The following DPYS variants were observed in gnomAD, a reference collection of about 807,000 sequenced individuals.
The protein encoded by DPYS is dihydropyrimidinase.
In DPYS, 39 loss-of-function variants were observed where a neutral mutation model predicts 50.3. The ratio of observed to expected loss-of-function variants is 0.78; its 90% CI spans 0.60 to 1.01. The LOEUF (loss-of-function observed/expected upper bound fraction) is 1.01. Ranked by LOEUF, DPYS falls within the 50% of genes least tolerant of loss-of-function variation. The pLI, the probability that DPYS is intolerant of heterozygous loss-of-function variation, is 0.00. For missense variants in DPYS, 659 were observed against 680.9 expected (o/e 0.97, Z 0.36); for synonymous variants, 245 against 250.7 (o/e 0.98, Z 0.22).
chr8:104,392,902 G>T lies in DPYS; in HGVS notation c.1325C>A (p.Ser442Ter). The T allele has an allele frequency of 6.2e-7, 1 of 1,614,188 alleles. No homozygotes were observed. Among genetic ancestry groups the T allele is most frequent in the Non-Finnish European group, 8.5e-7 (1 of 1,180,036 alleles). Residue 442 changes from serine (S) to a stop codon, truncating the protein, a stop_gained, in exon 8 of 10, where the codon TCA (serine) becomes TAA (stop). Coordinates refer to ENST00000351513, the MANE Select transcript of DPYS (RefSeq NM_001385.3). LOFTEE classifies it high-confidence loss of function. The stretch of plus-strand genomic sequence containing the variant: ...GGCTTCATATACCACTTTGCCTCTT[G>T]AAATAGTCACAAGGGGCACCCCGTG... ...VCHGVPLVTI[S>*]RGKVVYEAGV... is the part of the protein sequence containing the mutation.
chr8:104,433,345 G>A lies in DPYS; in HGVS notation c.794-3644C>T, dbSNP rs539621761. Among the ~76,000 whole-genome samples the A allele has an allele frequency of 8.5e-5, 13 of 152,198 alleles. No individual in the cohort carries two copies. In the East Asian group the frequency reaches 2.5e-3, roughly 29 times the overall value. ...TTTTTTTAATGGCTAGCTTTTAACT[G>A]CTATGCAATTGGATATAATGTAAAT... is the stretch of plus-strand genomic sequence containing the variant. On this transcript the variant is annotated intron_variant, in intron 4 of 9. Transcript: ENST00000351513.
chr8:104,388,862 T>C (rs1335814438), intron 8 of DPYS, among the ~76,000 whole-genome samples: 2 of 152,246 alleles, frequency 1.3e-5, no homozygotes, highest in African/African-American at 4.8e-5. Flanking sequence ...AATTTTATTA[T>C]TATGCAATAA....
intron 8 of DPYS, among the ~76,000 whole-genome samples, chr8:104,389,103 G>A (rs1234790665): frequency 6.6e-6 from 1 of 152,226 alleles, no homozygotes; most frequent in Non-Finnish European, 1.5e-5. Context: ...CAGGAGACCA[G>A]CTGAGTTCAG....
intron 7 of DPYS, among the ~76,000 whole-genome samples, chr8:104,422,744 C>T (rs1812589217): frequency 6.6e-6 from 1 of 152,204 alleles, no homozygotes; most frequent in South Asian, 2.1e-4. Flanking sequence ...TCTCCTTAAG[C>T]CACAAGTTAT....
intron 8 of DPYS, 156 bp from the exon 9 acceptor site, chr8:104,381,470 G>C (rs1294207384): frequency 3.0e-6 from 2 of 677,636 alleles, no homozygotes; most frequent in Admixed American, 2.2e-5. Context: ...GAAATTCCTG[G>C]CAACCTTGAG....
At chr8:104,438,773 T>C (rs993654501) in intron 4 of DPYS, among the ~76,000 whole-genome samples, 2 of 152,160 alleles carry the variant, frequency 1.3e-5, no homozygotes, top group Non-Finnish European at 2.9e-5. Context: ...TCTAAGTTTC[T>C]TCTTCAGCCT....
intron 4 of DPYS, among the ~76,000 whole-genome samples, chr8:104,431,487 G>T (rs1291177532): frequency 6.6e-6 from 1 of 151,358 alleles, no homozygotes; most frequent in African/African-American, 2.4e-5. Context: ...ATTCCTAACT[G>T]CATATTCTAT....
chr8:104,449,957 C>T (rs1042271940), intron 2 of DPYS, among the ~76,000 whole-genome samples: 6 of 152,138 alleles, frequency 3.9e-5, no homozygotes, highest in East Asian at 1.9e-4. Context: ...CCCTAGCAAA[C>T]GAATAACCCC....
At position 104,417,539 on chromosome 8, in the gene DPYS, A is replaced by G. The variant is rs968539271; in HGVS notation, c.1235+6708T>C. On this transcript the variant is annotated intron_variant, in intron 7 of 9. Coordinates refer to ENST00000351513, the MANE Select transcript of DPYS (RefSeq NM_001385.3). ...GACTCTAAGTACCAAGATCTTCTAC[A>G]GAAATGGGTCAGACATTCAGATATG... Among the ~76,000 whole-genome samples the G allele has an allele frequency of 5.9e-5, 9 of 152,274 alleles. No individual in the cohort carries two copies. The East Asian group carries it at 1.7e-3, about 29-fold the overall frequency.
At chr8:104,398,779 C>T (rs1408433332) in intron 7 of DPYS, among the ~76,000 whole-genome samples, 2 of 152,128 alleles carry the variant, frequency 1.3e-5, no homozygotes, top group East Asian at 1.9e-4. Context: ...TGGGAACAGA[C>T]CCATCCTTTC....
chr8:104,394,933 A>G (rs1027423012), intron 7 of DPYS, among the ~76,000 whole-genome samples: 1 of 151,362 alleles, frequency 6.6e-6, no homozygotes, highest in African/African-American at 2.4e-5. Context: ...GAGATTTAGA[A>G]AGGTTATATC....
At chr8:104,428,151 G>A (rs1286309077) in intron 5 of DPYS, 30 bp from the exon 6 acceptor site, 4 of 1,613,742 alleles carry the variant, frequency 2.5e-6, no homozygotes, top group South Asian at 2.2e-5. Flanking sequence ...AGAGTGATGG[G>A]GTGAGTATAC....
chr8:104,396,246 T>C (rs1195699604), intron 7 of DPYS, among the ~76,000 whole-genome samples: 1 of 152,172 alleles, frequency 6.6e-6, no homozygotes, highest in Non-Finnish European at 1.5e-5. Flanking sequence ...TGGGATTGTA[T>C]TACAGCATAC....
At chr8:104,388,706 T>C (rs1282742983) in intron 8 of DPYS, among the ~76,000 whole-genome samples, 1 of 152,218 alleles carries the variant, frequency 6.6e-6, no homozygotes, top group Non-Finnish European at 1.5e-5. Context: ...TTCAATATTT[T>C]CCCTTAGGAT....
At chr8:104,408,045 A>G (rs774330448) in intron 7 of DPYS, among the ~76,000 whole-genome samples, 8 of 152,228 alleles carry the variant, frequency 5.3e-5, no homozygotes, top group Non-Finnish European at 1.5e-5. Context: ...ACATGCATTT[A>G]TTGATCACCT....
intron 6 of DPYS, among the ~76,000 whole-genome samples, chr8:104,427,200 CAAA>C (rs1269273453): frequency 3.5e-5 from 2 of 57,800 alleles, no homozygotes; most frequent in Admixed American, 1.9e-4. Flanking sequence ...GACTCCGTCT[CAAA>C]AAAAAAAAAA....
chr8:104,450,382 G>C (rs1037427007), intron 2 of DPYS, among the ~76,000 whole-genome samples: 2 of 152,164 alleles, frequency 1.3e-5, no homozygotes, highest in African/African-American at 4.8e-5. Context: ...TAAAGCCCGA[G>C]TTTGTGGGGG....
chr8:104,383,381 G>C (rs531331315), intron 8 of DPYS, among the ~76,000 whole-genome samples: 23 of 152,178 alleles, frequency 1.5e-4, no homozygotes, highest in African/African-American at 5.5e-4. Flanking sequence ...CTGTTCACTC[G>C]TCAGTCTCCC....
At chr8:104,438,468 G>T (rs1211686397) in intron 4 of DPYS, among the ~76,000 whole-genome samples, 1 of 152,146 alleles carries the variant, frequency 6.6e-6, no homozygotes, top group African/African-American at 2.4e-5. Context: ...CTACTGGAAT[G>T]AAGAAAACTC....
Sources: gnomAD v4.1 joint callset for allele counts (sites outside exome capture counted in the v4.1 genomes callset) on GRCh38, gnomAD v4.1.1 for gene constraint, MANE v1.5 for transcripts, NCBI Gene and HGNC (gene_info 2026-07-23, HGNC 2026-07-21) for gene names.